PDPN: variants seen among roughly 807,000 people sequenced by gnomAD.
PDPN encodes podoplanin, also known as PA2.26 antigen.
Under a neutral mutation model 23.2 loss-of-function variants are expected in PDPN, and 12 were observed. The observed-to-expected ratio is 0.52, with a 90% CI of 0.33 to 0.84. PDPN has a LOEUF of 0.84. Among genes scored for constraint, PDPN ranks in the 40% least tolerant of loss-of-function variants. The pLI, the probability that PDPN is intolerant of heterozygous loss-of-function variation, is 0.02. For missense variants in PDPN, 199 were observed against 212.2 expected (o/e 0.94, Z 0.39); for synonymous variants, 77 against 76.7 (o/e 1.00, Z -0.02).
chr1:13,585,809 G>A (rs115233544), intron 1 of PDPN, among the ~76,000 whole-genome samples: 1,813 of 152,280 alleles, frequency 0.012, 41 homozygotes, highest in African/African-American at 0.041. Flanking sequence ...AATAATGAGC[G>A]AGGCGACTTG....
chr1:13,589,866 C>T (rs12073317), intron 1 of PDPN, among the ~76,000 whole-genome samples: 2,049 of 152,284 alleles, frequency 0.013, 49 homozygotes, highest in African/African-American at 0.047. Context: ...CTTGCTCTGT[C>T]GCCCAGGCTG....
intron 3 of PDPN, among the ~76,000 whole-genome samples, chr1:13,612,735 A>T (rs1339281596): frequency 6.6e-6 from 1 of 152,156 alleles, no homozygotes; most frequent in African/African-American, 2.4e-5. Flanking sequence ...CACAAAAGGG[A>T]TGGTTTTCAA....
At chr1:13,598,551 T>A (rs1640556336) in intron 1 of PDPN, among the ~76,000 whole-genome samples, 1 of 152,132 alleles carries the variant, frequency 6.6e-6, no homozygotes, top group African/African-American at 2.4e-5. Flanking sequence ...CCTCTGGGAC[T>A]CAACTGAGGT....
Position 13,610,387 on chromosome 1 carries a change from G to A in PDPN, c.202G>A (p.Val68Met). 6.2e-7 allele frequency: 1 copy of A among 1,612,610 alleles called. No individual in the cohort carries two copies. The highest frequency in any genetic ancestry group is 8.5e-7 in the Non-Finnish European group (1 of 1,179,094). ...DRYKSGLTTL[V>M]ATSVNSVTGI... ...TTTTCCTCATTTACACCTACAATAG[G>A]TGGCAACAAGTGTCAACAGTGTAAC... Residue 68 changes from valine (V) to methionine (M), a missense_variant and splice_region_variant, in exon 3 of 6, where the codon GTG becomes ATG. Val to Met is a conservative substitution (Grantham distance 21, BLOSUM62 1). Transcript: ENST00000621990.
At chr1:13,600,722 TGTACGGAA>T (rs1640622021) in intron 1 of PDPN, among the ~76,000 whole-genome samples, 1 of 152,100 alleles carries the variant, frequency 6.6e-6, no homozygotes, top group South Asian at 2.1e-4. Context: ...TTGTTGAAAT[TGTACGGAA>T]GACTTTAGTC....
At chr1:13,598,639 C>G (rs191573686) in intron 1 of PDPN, among the ~76,000 whole-genome samples, 29 of 152,106 alleles carry the variant, frequency 1.9e-4, no homozygotes, top group African/African-American at 7.0e-4. Context: ...ACAGTTCTAC[C>G]GAACCACCGC....
chr1:13,584,355 G>T, intron 1 of PDPN: 1 of 1,448,624 alleles, frequency 6.9e-7, no homozygotes, highest in South Asian at 1.4e-5. Context: ...GGCAGCACAG[G>T]GGGCCTCCCT....
intron 1 of PDPN, among the ~76,000 whole-genome samples, chr1:13,590,191 C>T (rs948980509): frequency 1.3e-5 from 2 of 152,244 alleles, no homozygotes; most frequent in Non-Finnish European, 2.9e-5. Context: ...TGGTTGCATA[C>T]ATAATGCTGA....
At chr1:13,594,000 T>A (rs1319048548) in intron 1 of PDPN, among the ~76,000 whole-genome samples, 1 of 152,200 alleles carries the variant, frequency 6.6e-6, no homozygotes, top group Non-Finnish European at 1.5e-5. Context: ...CGTCTCCCCA[T>A]GTTGAGTAAT....
At chr1:13,592,196 T>A (rs1467750029) in intron 1 of PDPN, among the ~76,000 whole-genome samples, 1 of 152,264 alleles carries the variant, frequency 6.6e-6, no homozygotes, top group Non-Finnish European at 1.5e-5. Context: ...GAAAGCCTCC[T>A]TTATATATTC....
At position 13,601,459 on chromosome 1, in the gene PDPN, C is replaced by T. The variant is rs370023092; in HGVS notation, c.68-5714C>T. ...GCAACGTCTGCCTCCTGGGTTCAAA[C>T]GATTCTCCTGCCTCAGCCTCCTGAG... is the stretch of plus-strand genomic sequence containing the variant. On this transcript the variant is annotated intron_variant, in intron 1 of 5. Coordinates refer to ENST00000621990, the MANE Select transcript of PDPN (RefSeq NM_006474.5). Among the ~76,000 whole-genome samples, 191 of 152,308 alleles carry T rather than the reference C, an allele frequency of 1.3e-3. 3 individuals carry two copies. The South Asian group carries it at 0.037, about 29-fold the overall frequency.
Position 13,615,948 on chromosome 1 carries a change from A to T in PDPN, c.*37A>T. ...GTTACGCCCTGCTGCCAACGTGCTT[A>T]AAAAAAGACCGTTTCTGACTCTGTG... is the stretch of plus-strand genomic sequence containing the variant. On this transcript the variant is annotated 3_prime_UTR_variant, in exon 6 of 6. Transcript: ENST00000621990. 1 of 1,599,122 alleles carries T rather than the reference A, an allele frequency of 6.3e-7. No homozygotes were observed. Among genetic ancestry groups the T allele is most frequent in the Non-Finnish European group, 8.6e-7 (1 of 1,166,452 alleles).
chr1:13,610,827 A>C (rs1640914683), intron 3 of PDPN, among the ~76,000 whole-genome samples: 1 of 152,188 alleles, frequency 6.6e-6, no homozygotes, highest in Non-Finnish European at 1.5e-5. Flanking sequence ...TTGTGTTGAC[A>C]CCCAAGGGCA....
At chr1:13,604,969 C>G (rs1187554724) in intron 1 of PDPN, among the ~76,000 whole-genome samples, 1 of 152,138 alleles carries the variant, frequency 6.6e-6, no homozygotes, top group African/African-American at 2.4e-5. Flanking sequence ...AACTGGTAAA[C>G]CCCTCGCTGT....
intron 3 of PDPN, 143 bp from the exon 4 acceptor site, chr1:13,613,544 C>A: frequency 4.8e-6 from 3 of 624,610 alleles, no homozygotes; most frequent in South Asian, 1.9e-5. Context: ...TTTAAAAATC[C>A]CTGGATCCAA....
At chr1:13,596,345 A>G (rs1036326171) in intron 1 of PDPN, among the ~76,000 whole-genome samples, 2 of 152,198 alleles carry the variant, frequency 1.3e-5, no homozygotes, top group Non-Finnish European at 2.9e-5. Context: ...GTACGCCTGG[A>G]GGAAAATTCA....
At chr1:13,599,011 C>CTTT (rs35244657) in intron 1 of PDPN, among the ~76,000 whole-genome samples, 3,706 of 127,004 alleles carry the variant, frequency 0.029, 236 homozygotes, top group African/African-American at 0.1. Flanking sequence ...GCCCCCCCTC[C>CTTT]TTTTTTTTTT....
At chr1:13,613,177 T>A (rs1418676724) in intron 3 of PDPN, among the ~76,000 whole-genome samples, 1 of 152,112 alleles carries the variant, frequency 6.6e-6, no homozygotes, top group Admixed American at 6.5e-5. Context: ...CTTGTAAAAA[T>A]TTGGATTTTG....
chr1:13,596,631 A>T (rs1253742380), intron 1 of PDPN, among the ~76,000 whole-genome samples: 1 of 152,196 alleles, frequency 6.6e-6, no homozygotes, highest in Non-Finnish European at 1.5e-5. Flanking sequence ...TAGTGGTTGC[A>T]TCAATATTCA....
Sources: gnomAD v4.1 joint callset for allele counts (sites outside exome capture counted in the v4.1 genomes callset) on GRCh38, gnomAD v4.1.1 for gene constraint, MANE v1.5 for transcripts, NCBI Gene and HGNC (gene_info 2026-07-23, HGNC 2026-07-21) for gene names.